The following PNPLA6 variants were observed in gnomAD, a reference collection of about 807,000 sequenced individuals.
The protein encoded by PNPLA6 is patatin like domain 6, lysophospholipase.
Under a neutral mutation model 153.7 loss-of-function variants are expected in PNPLA6, and 105 were observed. The ratio of observed to expected loss-of-function variants is 0.68; its 90% confidence interval spans 0.58 to 0.80. The LOEUF is 0.80. PNPLA6 is among the 30% of genes least tolerant of loss of function. The pLI, the probability that PNPLA6 is intolerant of heterozygous loss-of-function variation, is 0.00. For synonymous variants in PNPLA6, 825 were observed against 822.2 expected, an observed-to-expected ratio of 1.00 and a Z score of -0.06; for missense variants, 1,423 against 1,919.3, an observed-to-expected ratio of 0.74 and a Z score of 4.83.
At chr19:7,544,401 T>C (rs2023296298) in intron 13 of PNPLA6, among the ~76,000 whole-genome samples, 1 of 152,206 alleles carries the variant, frequency 6.6e-6, no homozygotes. Flanking sequence ...CATGAACCAC[T>C]GTGCCCAGCC....
At chr19:7,548,796 T>A (rs903104330) in intron 13 of PNPLA6, among the ~76,000 whole-genome samples, 114 of 62,352 alleles carry the variant, frequency 1.8e-3, no homozygotes, top group African/African-American at 6.6e-3. Flanking sequence ...TGTAAAAAAA[T>A]TTTTCTTTTT....
At chr19:7,545,265 G>A (rs1164660736) in intron 13 of PNPLA6, among the ~76,000 whole-genome samples, 1 of 152,066 alleles carries the variant, frequency 6.6e-6, no homozygotes, top group Non-Finnish European at 1.5e-5. Context: ...GGCCTCAAGT[G>A]ATCCACTCGC....
At chr19:7,552,670 G>C (rs764335486) in intron 18 of PNPLA6, among the ~76,000 whole-genome samples, 11 of 149,428 alleles carry the variant, frequency 7.4e-5, no homozygotes, top group Non-Finnish European at 1.6e-4. Context: ...CAGGAGAATC[G>C]CTTGAACCGG....
chr19:7,554,710 C>CT lies in PNPLA6; in HGVS notation c.2622dup (p.Thr875TyrfsTer18), dbSNP rs749786247. The CT allele has an allele frequency of 6.2e-7, 1 of 1,613,170 alleles. No individual in the cohort carries two copies. The highest frequency in any genetic ancestry group is 1.1e-5 in the South Asian group (1 of 91,070). ...ATTGTGGGCCTGGGGGACCAGGAGC[C>CT]TACCCTCGGCCAGGTCGGAAGCCCG... On this transcript the variant is annotated frameshift_variant, in exon 21 of 32. Coordinates refer to ENST00000600737, the MANE Select transcript of PNPLA6 (RefSeq NM_001166114.2). LOFTEE classifies it high-confidence loss of function.
intron 13 of PNPLA6, among the ~76,000 whole-genome samples, chr19:7,545,952 T>C (rs549478350): frequency 5.2e-4 from 77 of 149,424 alleles, no homozygotes; most frequent in South Asian, 2.3e-3. Context: ...AAACCCTTAG[T>C]GGTCCCTGCC....
rs2146103219 is a variant in PNPLA6 at position 7,555,059 on chromosome 19, G to T, written c.2801G>T (p.Arg934Leu). 1.9e-6 allele frequency: 3 copies of T among 1,592,592 alleles called. No individual in the cohort carries two copies. Among genetic ancestry groups the T allele is most frequent in the East Asian group, 2.2e-5 (1 of 44,644 alleles). Reference sequence around the variant, plus strand: ...TGTCCGCGCCGCCTCTTTTCGCGCCGCAGCCCTGCCAAGCTGGTGAGGAGC... The same window carrying T: ...TGTCCGCGCCGCCTCTTTTCGCGCCTCAGCCCTGCCAAGCTGGTGAGGAGC... ...LRCPRRLFSRRSPAKLHELYE... is the reference protein window; with the variant it reads ...LRCPRRLFSRLSPAKLHELYE... Residue 934 changes from arginine (R) to leucine (L), a missense_variant, in exon 22 of 32, where the codon CGC becomes CTC. Physicochemically the swap from Arg to Leu is moderately radical, Grantham distance 102. Coordinates refer to ENST00000600737, the MANE Select transcript of PNPLA6 (RefSeq NM_001166114.2). The surrounding 1 kb of genome is among the most constrained non-coding windows in gnomAD (Gnocchi z 6.3).
upstream of PNPLA6, chr19:7,534,876 C>G (rs1406541191): frequency 1.9e-5 from 3 of 154,556 alleles, no homozygotes; most frequent in Non-Finnish European, 4.3e-5. Context: ...CCACGCCACC[C>G]CAAGCATCCC....
At chr19:7,535,096 G>T, upstream of PNPLA6, 1 of 220,728 alleles carries the variant, frequency 4.5e-6, no homozygotes, top group Non-Finnish European at 9.4e-6. The surrounding 1 kb of genome is among the most constrained non-coding windows in gnomAD (Gnocchi z 5.0). Context: ...GGCCTGGGGG[G>T]TGGGGTGGTC....
Position 7,542,054 on chromosome 19 carries a change from A to AG in PNPLA6, c.1243dup (p.Asp415GlyfsTer18), listed in dbSNP as rs587777853. On this transcript the variant is annotated frameshift_variant, in exon 10 of 32. Transcript: ENST00000600737. LOFTEE classifies it high-confidence loss of function. ...TGCTGAGCCGCTGCGTCTCCATGCC[A>AG]GGGGACATCTCAGGTTTGGAGCACT... The AG allele has an allele frequency of 4.4e-6, 7 of 1,606,444 alleles. No individual in the cohort carries two copies. The highest frequency in any genetic ancestry group is 5.9e-6 in the Non-Finnish European group (7 of 1,179,868).
rs1325715601 is a variant in PNPLA6, at chr19:7,540,766, A to C, written c.795+56A>C. On this transcript the variant is annotated intron_variant, in intron 6 of 31. Coordinates refer to ENST00000600737, the MANE Select transcript of PNPLA6 (RefSeq NM_001166114.2). The surrounding 1 kb of genome is among the most constrained non-coding windows in gnomAD (Gnocchi z 6.8). ...TGGGGTGCAAGGTCCCACCCAAGGG[A>C]CTAGGTTGAAGGAAATCACAGGGTC... 7.1e-6 allele frequency: 11 copies of C among 1,546,664 alleles called. No individual in the cohort carries two copies. The Admixed American group carries it at 1.2e-4, about 16-fold the overall frequency.
In PNPLA6 at chr19:7,554,931, T is replaced by C; in HGVS notation, c.2673T>C (p.Leu891=). The change falls in exon 22 of 32, where the codon CTT becomes CTC. Residue 891 remains leucine, a synonymous_variant. Coordinates refer to ENST00000600737, the MANE Select transcript of PNPLA6 (RefSeq NM_001166114.2). ...TGGAGAACACGGCTGTGCGCGCCCT[T>C]AAGCAGCTAGTCCTGCTCCACCGAG... The part of the protein sequence containing the change: ...QMLENTAVRA[L]KQLVLLHREE... The C allele has an allele frequency of 6.3e-7, 1 of 1,590,122 alleles. No individual in the cohort carries two copies. The highest frequency in any genetic ancestry group is 8.5e-7 in the Non-Finnish European group (1 of 1,174,386).
At position 7,555,551 on chromosome 19, in the gene PNPLA6, A is replaced by G. The variant is rs1259803130; in HGVS notation, c.2937-56A>G. The stretch of plus-strand genomic sequence containing the variant: ...GCGGGAGGTGGGAGGAGGTAGGGGC[A>G]GGGGAGTTCCTGCAGGTGGGGCCTA... On this transcript the variant is annotated intron_variant, in intron 23 of 31. Transcript: ENST00000600737. The surrounding 1 kb of genome is among the most constrained non-coding windows in gnomAD (Gnocchi z 6.3). 14 of 1,590,000 alleles carry G rather than the reference A, an allele frequency of 8.8e-6. No individual in the cohort carries two copies. Among genetic ancestry groups the G allele is most frequent in the Non-Finnish European group, 1.1e-5 (13 of 1,165,088 alleles).
rs375024068 is a variant in PNPLA6, at chr19:7,559,143, C to G, written c.3691C>G (p.Gln1231Glu). The G allele has an allele frequency of 2.5e-4, 402 of 1,613,978 alleles. No homozygotes were observed. Among genetic ancestry groups the G allele is most frequent in the Non-Finnish European group, 3.3e-4 (390 of 1,179,978 alleles). ...GACCATGGACTTTGGGAAGTTCGAC[C>G]AGATCTATGTGAGTGGGCAGGAGTG... ...FKTMDFGKFD[Q>E]IYDVGYQYGK... The change falls in exon 28 of 32, where the codon CAG (glutamine) becomes GAG (glutamate). Residue 1231 changes from glutamine (Q) to glutamate (E), a missense_variant. This residue lies in a region of PNPLA6 where 643 missense variants were observed against 835.2 expected (regional missense o/e 0.77). Transcript: ENST00000600737.
chr19:7,541,673 C>G lies in PNPLA6; in HGVS notation c.1157C>G (p.Pro386Arg). The change falls in exon 9 of 32, where the codon CCT becomes CGT. Residue 386 changes from proline to arginine, a missense_variant. Coordinates refer to ENST00000600737, the MANE Select transcript of PNPLA6 (RefSeq NM_001166114.2). The surrounding 1 kb of genome is among the most constrained non-coding windows in gnomAD (Gnocchi z 5.2). ...RPPDPTGAPL[P>R]GPTGDPVKPT... Reference sequence around the variant, plus strand: ...CCCGATCCCACCGGGGCCCCGCTGCCTGGACCTACAGGTACCCAGGGACCC... The same window carrying G: ...CCCGATCCCACCGGGGCCCCGCTGCGTGGACCTACAGGTACCCAGGGACCC... 6.4e-7 allele frequency: 1 copy of G among 1,572,460 alleles called. No individual in the cohort carries two copies. The highest frequency in any genetic ancestry group is 8.6e-7 in the Non-Finnish European group (1 of 1,161,164).
chr19:7,536,161 C>G, intron 1 of PNPLA6, 30 bp from the exon 2 acceptor site: 1 of 1,537,624 alleles, frequency 6.5e-7, no homozygotes, highest in South Asian at 1.1e-5. Context: ...GCACAGAGCT[C>G]GGAGTGCCCC....
chr19:7,554,009 G>A lies in PNPLA6; in HGVS notation c.2395G>A (p.Ala799Thr), dbSNP rs1433008029. The change falls in exon 19 of 32, where the codon GCC becomes ACC. Residue 799 changes from alanine (A) to threonine (T), a missense_variant. By Grantham distance (58) the Ala-to-Thr change is moderately conservative. This residue lies in a region of PNPLA6 where 643 missense variants were observed against 835.2 expected (regional missense o/e 0.77). Transcript: ENST00000600737. ...FTLELQHALQAIGPTLLLNSD... is the reference protein window; with the variant it reads ...FTLELQHALQTIGPTLLLNSD... ...GCTGGAGCTGCAGCACGCCCTGCAG[G>A]CCATCGGTCAGTGGGGTGAGGGTCA... The A allele has an allele frequency of 1.3e-6, 2 of 1,594,254 alleles. No individual in the cohort carries two copies. Among genetic ancestry groups the A allele is most frequent in the Admixed American group, 3.4e-5 (2 of 59,460 alleles).
In PNPLA6 at chr19:7,541,761, C is replaced by A; in HGVS notation, c.1168+77C>A. The A allele has an allele frequency of 6.8e-7, 1 of 1,470,168 alleles. No homozygotes were observed. Among genetic ancestry groups the A allele is most frequent in the Non-Finnish European group, 9.2e-7 (1 of 1,085,420 alleles). The allele number at this position is 1,470,168 out of a possible 1,614,324, so 91.1% of individuals were successfully genotyped here. A position where few individuals can be genotyped will look rare whatever the true frequency, so the allele number is the denominator to read the frequency against. ...TCAGCCGCCAGCCCCTTTTTCAGTT[C>A]TGCATAGAGTCAACCTGACCTTGTC... On this transcript the variant is annotated intron_variant, in intron 9 of 31. Coordinates refer to ENST00000600737, the MANE Select transcript of PNPLA6 (RefSeq NM_001166114.2). The surrounding 1 kb of genome is among the most constrained non-coding windows in gnomAD (Gnocchi z 5.2).
rs747752100 is a variant in PNPLA6 at position 7,559,140 on chromosome 19, G to A, written c.3688G>A (p.Asp1230Asn). The change falls in exon 28 of 32, where the codon GAC becomes AAC. Residue 1230 changes from aspartate to asparagine, a missense_variant. By Grantham distance (23) the Asp-to-Asn change is conservative (BLOSUM62 1). Transcript: ENST00000600737. ...CFKTMDFGKF[D>N]QIYDVGYQYG... ...CAAGACCATGGACTTTGGGAAGTTC[G>A]ACCAGATCTATGTGAGTGGGCAGGA... is the stretch of plus-strand genomic sequence containing the variant. 1.1e-5 allele frequency: 17 copies of A among 1,614,024 alleles called. No homozygotes were observed. Among genetic ancestry groups the A allele is most frequent in the Admixed American group, 1.0e-4 (6 of 60,004 alleles).
Position 7,541,463 on chromosome 19 carries a change from G to C in PNPLA6, c.1005+29G>C, listed in dbSNP as rs750630063. On this transcript the variant is annotated intron_variant, in intron 8 of 31. Coordinates refer to ENST00000600737, the MANE Select transcript of PNPLA6 (RefSeq NM_001166114.2). The surrounding 1 kb of genome is among the most constrained non-coding windows in gnomAD (Gnocchi z 5.2). ...AGTGGGTGGCGGGGAGCGAGCACAGGGGGGATGGGGGCGAGGTCTCCCTCC... is the reference window on the plus strand; with the variant it reads ...AGTGGGTGGCGGGGAGCGAGCACAGCGGGGATGGGGGCGAGGTCTCCCTCC... 5 of 1,612,804 alleles carry C rather than the reference G, an allele frequency of 3.1e-6. No individual in the cohort carries two copies. Among genetic ancestry groups the C allele is most frequent in the Admixed American group, 1.7e-5 (1 of 59,962 alleles).
Sources: allele counts gnomAD v4.1 joint callset (sites outside exome capture counted in the v4.1 genomes callset), GRCh38; gene constraint gnomAD v4.1.1; regional missense constraint gnomAD v4.1.1; non-coding constraint Gnocchi (gnomAD v3.1); transcripts MANE v1.5; gene names NCBI Gene and HGNC (gene_info 2026-07-23, HGNC 2026-07-21).